The following WDR7 variants were observed in gnomAD, a reference collection of about 807,000 sequenced individuals.
WDR7 encodes the protein WD repeat domain 7, also known as WD repeat-containing protein 7.
A neutral mutation model predicts 169.4 loss-of-function variants in WDR7; 46 were observed. The observed-to-expected ratio is 0.27, with a 90% CI of 0.21 to 0.35. The LOEUF is 0.35. Ranked by LOEUF, WDR7 falls within the 10% of genes least tolerant of loss-of-function variation. The pLI is 1.00. For synonymous variants in WDR7, 612 were observed against 666.8 expected, an observed-to-expected ratio of 0.92 and a Z score of 1.27; for missense variants, 1,534 against 1,859.3, an observed-to-expected ratio of 0.83 and a Z score of 3.22.
chr18:56,977,075 A>C (rs531838742), intron 26 of WDR7, among the ~76,000 whole-genome samples: 1 of 152,338 alleles, frequency 6.6e-6, no homozygotes, highest in South Asian at 2.1e-4. Flanking sequence ...TTGCCTGTAA[A>C]ATAGGAATAA....
chr18:56,771,712 T>C (rs1018197789), intron 16 of WDR7, among the ~76,000 whole-genome samples: 9 of 151,662 alleles, frequency 5.9e-5, no homozygotes, highest in African/African-American at 2.2e-4. Flanking sequence ...AGAAACCCCA[T>C]CTCTACTAGA....
chr18:57,018,973 C>T (rs868651837), intron 26 of WDR7, among the ~76,000 whole-genome samples: 2 of 152,094 alleles, frequency 1.3e-5, no homozygotes, highest in Admixed American at 1.3e-4. Flanking sequence ...TGGTTTCTTG[C>T]GCTAATTATG....
intron 25 of WDR7, among the ~76,000 whole-genome samples, chr18:56,957,035 A>G (rs936871499): frequency 6.6e-6 from 1 of 152,160 alleles, no homozygotes; most frequent in African/African-American, 2.4e-5. Context: ...TTTGGTGACT[A>G]TCCTACAAAA....
At chr18:56,843,552 G>T in intron 20 of WDR7, among the ~76,000 whole-genome samples, 1 of 152,262 alleles carries the variant, frequency 6.6e-6, no homozygotes, top group East Asian at 1.9e-4. Flanking sequence ...CAATTGTGTT[G>T]ATCCATTCAA....
At chr18:56,990,534 G>T (rs191215513) in intron 26 of WDR7, among the ~76,000 whole-genome samples, 136 of 152,324 alleles carry the variant, frequency 8.9e-4, no homozygotes, top group Non-Finnish European at 1.2e-4. Flanking sequence ...GGAAAAAGAA[G>T]ATGAACCTGG....
At chr18:56,859,272 A>G (rs1014046342) in intron 20 of WDR7, among the ~76,000 whole-genome samples, 2 of 152,224 alleles carry the variant, frequency 1.3e-5, no homozygotes, top group African/African-American at 4.8e-5. Flanking sequence ...AAGCTCTGAT[A>G]TCTTTGAGGA....
At chr18:56,687,617 T>G (rs1180652657) in intron 7 of WDR7, among the ~76,000 whole-genome samples, 1 of 152,084 alleles carries the variant, frequency 6.6e-6, no homozygotes, top group Non-Finnish European at 1.5e-5. Context: ...TCACCCAGGT[T>G]CTTGTTTTTG....
intron 20 of WDR7, among the ~76,000 whole-genome samples, chr18:56,834,827 G>A (rs2045371179): frequency 6.6e-6 from 1 of 152,160 alleles, no homozygotes; most frequent in African/African-American, 2.4e-5. Context: ...AGCAGGGCTT[G>A]ATATTTGTTC....
chr18:56,774,272 C>A lies in WDR7; in HGVS notation c.2849-2510C>A, dbSNP rs1167834125. On this transcript the variant is annotated intron_variant, in intron 16 of 27. Coordinates refer to ENST00000254442, the MANE Select transcript of WDR7 (RefSeq NM_015285.3). ...AAACTCAAATATTCCTGTTGAGAAG[C>A]AGAATCTAGGGATGTTATAATATTG... Among the ~76,000 whole-genome samples, 4 of 152,024 alleles carry A rather than the reference C, an allele frequency of 2.6e-5. 1 individual carries two copies. The highest frequency in any genetic ancestry group is 2.6e-4 in the Admixed American group (4 of 15,244).
At chr18:56,964,523 T>C (rs1275395521) in intron 26 of WDR7, among the ~76,000 whole-genome samples, 3 of 151,954 alleles carry the variant, frequency 2.0e-5, no homozygotes, top group African/African-American at 7.2e-5. Context: ...GTAGTTGGGA[T>C]TACAGGCGCA....
At chr18:56,925,035 G>A (rs1433656412) in intron 22 of WDR7, among the ~76,000 whole-genome samples, 1 of 152,114 alleles carries the variant, frequency 6.6e-6, no homozygotes, top group East Asian at 1.9e-4. Context: ...TACAAACTGT[G>A]GTCCTTTGTG....
At chr18:56,668,688 T>C (rs1459407866) in intron 1 of WDR7, among the ~76,000 whole-genome samples, 1 of 152,216 alleles carries the variant, frequency 6.6e-6, no homozygotes, top group Non-Finnish European at 1.5e-5. Context: ...TTATTTCTAA[T>C]AAAGTAATGC....
At chr18:56,852,454 T>A (rs1167694768) in intron 20 of WDR7, among the ~76,000 whole-genome samples, 1 of 152,220 alleles carries the variant, frequency 6.6e-6, no homozygotes, top group Non-Finnish European at 1.5e-5. Flanking sequence ...TTTTGAATTG[T>A]GGAATAAAAA....
intron 1 of WDR7, among the ~76,000 whole-genome samples, chr18:56,665,884 G>C (rs1027205314): frequency 5.9e-5 from 9 of 152,288 alleles, no homozygotes; most frequent in Non-Finnish European, 1.2e-4. Flanking sequence ...GTCGTGATGA[G>C]TCTCAGAGGA....
intron 14 of WDR7, among the ~76,000 whole-genome samples, chr18:56,740,408 G>A (rs2043600111): frequency 6.6e-6 from 1 of 151,532 alleles, no homozygotes; most frequent in Non-Finnish European, 1.5e-5. Context: ...TCTTTTAATT[G>A]CCTCTAATTT....
At position 56,753,722 on chromosome 18, in the gene WDR7, G is replaced by T. The variant is rs565921777; in HGVS notation, c.1990-2861G>T. On this transcript the variant is annotated intron_variant, in intron 14 of 27. Coordinates refer to ENST00000254442, the MANE Select transcript of WDR7 (RefSeq NM_015285.3). ...TAATAGGGTGTCGATGGAAGAGAAG[G>T]GATTGGAGTGGAGTAAAGGAAGAGC... is the stretch of plus-strand genomic sequence containing the variant. Among the ~76,000 whole-genome samples, 6 of 151,928 alleles carry T rather than the reference G, an allele frequency of 3.9e-5. No individual in the cohort carries two copies. In the East Asian group the frequency reaches 1.2e-3, roughly 30 times the overall value.
At chr18:56,701,715 G>A (rs1291409068) in intron 12 of WDR7, among the ~76,000 whole-genome samples, 1 of 152,100 alleles carries the variant, frequency 6.6e-6, no homozygotes, top group African/African-American at 2.4e-5. Flanking sequence ...TACTTGGACT[G>A]TTTACTATGG....
At chr18:56,654,278 C>T (rs1170801238) in intron 1 of WDR7, among the ~76,000 whole-genome samples, 1 of 152,026 alleles carries the variant, frequency 6.6e-6, no homozygotes, top group Non-Finnish European at 1.5e-5. Flanking sequence ...ACTACAGGCA[C>T]GCGCCACTAC....
intron 20 of WDR7, among the ~76,000 whole-genome samples, chr18:56,865,044 G>A (rs1490326837): frequency 1.3e-5 from 2 of 151,840 alleles, no homozygotes; most frequent in Non-Finnish European, 2.9e-5. Context: ...CTAATCCAGC[G>A]GTAAATATGT....
Sources: gnomAD v4.1 joint callset for allele counts (sites outside exome capture counted in the v4.1 genomes callset) on GRCh38, gnomAD v4.1.1 for gene constraint, MANE v1.5 for transcripts, NCBI Gene and HGNC (gene_info 2026-07-23, HGNC 2026-07-21) for gene names.